MALRD1: variants seen among roughly 807,000 people sequenced by gnomAD.
The protein encoded by MALRD1 is MAM and LDL receptor class A domain containing 1.
Under a neutral mutation model 242.1 loss-of-function variants are expected in MALRD1, and 247 were observed. The ratio of observed to expected loss-of-function variants is 1.02; its 90% CI spans 0.92 to 1.13. The LOEUF (loss-of-function observed/expected upper bound fraction) is 1.13, where lower values mean the gene tolerates loss of function less well. MALRD1 is among the 50% of genes most tolerant of loss of function. The probability of loss-of-function intolerance (pLI) is 0.00; values close to 1 mark genes in which losing one functional copy is unlikely to be tolerated. For missense variants in MALRD1, 2,989 were observed against 2,533.1 expected, an observed-to-expected ratio of 1.18 and a Z score of -3.86; for synonymous variants, 995 against 866.6, an observed-to-expected ratio of 1.15 and a Z score of -2.60.
intron 10 of MALRD1, 27 bp downstream of exon 10, chr10:19,136,808 T>C: frequency 2.5e-6 from 3 of 1,211,982 alleles, no homozygotes; most frequent in African/African-American, 1.6e-5. Flanking sequence ...CTTACTAGTT[T>C]ACATGCTCTA....
At chr10:19,681,454 T>C (rs1440127823) in intron 36 of MALRD1, among the ~76,000 whole-genome samples, 2 of 152,112 alleles carry the variant, frequency 1.3e-5, no homozygotes, top group Non-Finnish European at 2.9e-5. Context: ...GTTTGGCTAT[T>C]GATATTTGCG....
intron 38 of MALRD1, among the ~76,000 whole-genome samples, chr10:19,719,845 A>T (rs1259152524): frequency 1.5e-5 from 2 of 137,574 alleles, no homozygotes; most frequent in East Asian, 4.7e-4. Flanking sequence ...TGTTTATTTA[A>T]AAAAAAAAAA....
At chr10:19,727,325 G>A (rs1835075695) in intron 38 of MALRD1, among the ~76,000 whole-genome samples, 1 of 151,942 alleles carries the variant, frequency 6.6e-6, no homozygotes, top group Non-Finnish European at 1.5e-5. Flanking sequence ...AATAGTTTCA[G>A]ACTATTATAA....
At chr10:19,138,564 G>A (rs1833436538) in intron 10 of MALRD1, among the ~76,000 whole-genome samples, 1 of 151,790 alleles carries the variant, frequency 6.6e-6, no homozygotes, top group Non-Finnish European at 1.5e-5. Context: ...GGGATTACAA[G>A]CATGTGCCAC....
rs138209078 is a variant in MALRD1, at chr10:19,216,674, G to T, written c.2991+6994G>T. Among the ~76,000 whole-genome samples the T allele has an allele frequency of 4.0e-5, 6 of 150,322 alleles. No homozygotes were observed. In the South Asian group the frequency reaches 1.1e-3, roughly 27 times the overall value. On this transcript the variant is annotated intron_variant, in intron 18 of 39. Coordinates refer to ENST00000454679, the MANE Select transcript of MALRD1 (RefSeq NM_001142308.3). The stretch of plus-strand genomic sequence containing the variant: ...AGATGTGGAGAGGCCAGCTGGGTGC[G>T]GTGGCTCACGCCTGTAATCCCAGCA...
chr10:19,481,912 T>C (rs946153882), intron 29 of MALRD1, among the ~76,000 whole-genome samples: 1 of 152,088 alleles, frequency 6.6e-6, no homozygotes, highest in African/African-American at 2.4e-5. Context: ...ATATACTGTT[T>C]TACTAATAAC....
intron 32 of MALRD1, among the ~76,000 whole-genome samples, chr10:19,560,505 A>G (rs184604192): frequency 4.5e-4 from 69 of 152,244 alleles, no homozygotes; most frequent in African/African-American, 1.6e-3. Context: ...ATAAAGACAC[A>G]TGCACATGTA....
At chr10:19,717,152 G>A (rs1241961461) in intron 38 of MALRD1, among the ~76,000 whole-genome samples, 1 of 152,116 alleles carries the variant, frequency 6.6e-6, no homozygotes, top group African/African-American at 2.4e-5. Context: ...TTTTCTGTCA[G>A]TAATTCTTTC....
At chr10:19,363,596 G>A (rs773419306) in intron 26 of MALRD1, among the ~76,000 whole-genome samples, 1 of 152,118 alleles carries the variant, frequency 6.6e-6, no homozygotes, top group Non-Finnish European at 1.5e-5. Flanking sequence ...GTAGTGAAAT[G>A]AGACTATAAG....
Position 19,195,177 on chromosome 10 carries a change from C to T in MALRD1, c.1952-8551C>T, listed in dbSNP as rs183468488. ...GATAATCCAGAGCTTCAGCCATCTA[C>T]TAGGGGGTCTTGGAAAATATCTCTT... On this transcript the variant is annotated intron_variant, in intron 14 of 39. Coordinates refer to ENST00000454679, the MANE Select transcript of MALRD1 (RefSeq NM_001142308.3). Among the ~76,000 whole-genome samples, 75 of 152,272 alleles carry T rather than the reference C, an allele frequency of 4.9e-4. 1 individual carries two copies. The South Asian group carries it at 0.011, about 23-fold the overall frequency.
chr10:19,364,249 TA>T (rs1227597868), intron 26 of MALRD1, among the ~76,000 whole-genome samples: 2 of 152,166 alleles, frequency 1.3e-5, no homozygotes, highest in Non-Finnish European at 2.9e-5. Flanking sequence ...AATTGTTTAA[TA>T]ACAACTGACA....
At chr10:19,516,376 CAT>C (rs1833627120) in intron 31 of MALRD1, among the ~76,000 whole-genome samples, 1 of 152,086 alleles carries the variant, frequency 6.6e-6, no homozygotes, top group Admixed American at 6.6e-5. Flanking sequence ...ACATACATAA[CAT>C]ATAGACAATT....
intron 28 of MALRD1, among the ~76,000 whole-genome samples, chr10:19,416,728 C>T (rs1430390507): frequency 6.6e-6 from 1 of 152,188 alleles, no homozygotes; most frequent in Non-Finnish European, 1.5e-5. Flanking sequence ...AAGTCTCACC[C>T]TCTCACTGCA....
intron 4 of MALRD1, among the ~76,000 whole-genome samples, chr10:19,097,650 T>A (rs1192030600): frequency 1.3e-5 from 2 of 152,090 alleles, no homozygotes; most frequent in Non-Finnish European, 2.9e-5. Flanking sequence ...GCTAGGAAAA[T>A]GAGCTTTCTG....
chr10:19,551,018 G>A, intron 32 of MALRD1, among the ~76,000 whole-genome samples: 1 of 152,142 alleles, frequency 6.6e-6, no homozygotes, highest in Non-Finnish European at 1.5e-5. Context: ...TGACTGGTGT[G>A]AGATGATATC....
intron 34 of MALRD1, among the ~76,000 whole-genome samples, chr10:19,601,045 T>G (rs1005317281): frequency 6.6e-6 from 1 of 151,978 alleles, no homozygotes; most frequent in African/African-American, 2.4e-5. Context: ...GTCTGGCTAA[T>G]TTTTTAAAAC....
intron 38 of MALRD1, among the ~76,000 whole-genome samples, chr10:19,725,782 A>G (rs904091357): frequency 6.6e-6 from 1 of 152,236 alleles, no homozygotes; most frequent in Non-Finnish European, 1.5e-5. Flanking sequence ...AAATTCAAAT[A>G]TAATCCTATA....
intron 28 of MALRD1, among the ~76,000 whole-genome samples, chr10:19,392,699 A>G (rs1846390747): frequency 6.6e-6 from 1 of 152,226 alleles, no homozygotes; most frequent in Non-Finnish European, 1.5e-5. Flanking sequence ...GGTGAATAAT[A>G]AGAGGATCAA....
intron 21 of MALRD1, among the ~76,000 whole-genome samples, chr10:19,317,902 C>T (rs574383133): frequency 7.0e-4 from 106 of 152,144 alleles, no homozygotes; most frequent in Non-Finnish European, 1.4e-3. Flanking sequence ...CACCTTGGAT[C>T]CTTACTTTTG....
Sources: gnomAD v4.1 joint callset for allele counts (sites outside exome capture counted in the v4.1 genomes callset) on GRCh38, gnomAD v4.1.1 for gene constraint, MANE v1.5 for transcripts, NCBI Gene and HGNC (gene_info 2026-07-23, HGNC 2026-07-21) for gene names.